CD226: variants seen among roughly 807,000 people sequenced by gnomAD.
CD226 encodes CD226 antigen.
In CD226, 24 loss-of-function variants were observed where a neutral mutation model predicts 34.9. That is an observed-to-expected ratio of 0.69 (90% CI 0.50 to 0.97). The LOEUF (loss-of-function observed/expected upper bound fraction) is 0.97, where lower values mean the gene tolerates loss of function less well. Ranked by LOEUF, CD226 falls within the 50% of genes least tolerant of loss-of-function variation. The probability of loss-of-function intolerance (pLI) is 0.00; values close to 1 mark genes in which losing one functional copy is unlikely to be tolerated. For synonymous variants in CD226, 148 were observed against 147.4 expected, an observed-to-expected ratio of 1.00 and a Z score of -0.03; for missense variants, 397 against 412.7, an observed-to-expected ratio of 0.96 and a Z score of 0.33.
At position 69,855,475 on chromosome 18, in the gene CD226, GAA is replaced by G. The variant is rs1982584779; in HGVS notation, c.*8837_*8838del. 1 of 152,112 alleles carries G rather than the reference GAA, an allele frequency of 6.6e-6. No homozygotes were observed. Among genetic ancestry groups the G allele is most frequent in the South Asian group, 2.1e-4 (1 of 4,826 alleles). The allele number at this position is 152,112 out of a possible 1,614,324, so 9.4% of individuals were successfully genotyped here. ...TTTCAAACTAAAATTCAAAGAGTGG[GAA>G]AAACCCAGAATATTCAAGACTATGG... On this transcript the variant is annotated 3_prime_UTR_variant, in exon 6 of 6. Transcript: ENST00000582621.
At chr18:69,910,524 G>C (rs1253173651) in intron 2 of CD226, among the ~76,000 whole-genome samples, 1 of 152,228 alleles carries the variant, frequency 6.6e-6, no homozygotes, top group Non-Finnish European at 1.5e-5. Context: ...AGCAAGGAGA[G>C]ATAGAAACTG....
Position 69,947,369 on chromosome 18 carries a change from A to T in CD226, c.38T>A (p.Val13Glu). Reference protein sequence around the residue: ...YPTLLLALLHVYRALCEEVLW... With the variant: ...YPTLLLALLHEYRALCEEVLW... ...ATAAAGATCATCTTTACCTCTGTAT[A>T]CATGAAGAAGAGCCAAAAGTAAAGT... The change falls in exon 1 of 6, where the codon GTA (valine) becomes GAA (glutamate). Residue 13 changes from valine (V) to glutamate (E), a missense_variant. Coordinates refer to ENST00000582621, the MANE Select transcript of CD226 (RefSeq NM_001303618.2). The T allele has an allele frequency of 6.3e-7, 1 of 1,579,968 alleles. No homozygotes were observed. The highest frequency in any genetic ancestry group is 8.6e-7 in the Non-Finnish European group (1 of 1,159,138).
chr18:69,894,885 C>G (rs1433681345), intron 3 of CD226, among the ~76,000 whole-genome samples: 1 of 151,764 alleles, frequency 6.6e-6, no homozygotes, highest in African/African-American at 2.4e-5. Flanking sequence ...CAAAGTGGAT[C>G]TAGGTTTTGC....
rs1295509551 is a variant in CD226, at chr18:69,933,601, T to G, written c.382+13133A>C. On this transcript the variant is annotated intron_variant, in intron 2 of 5. Transcript: ENST00000582621. Reference sequence around the variant, plus strand: ...GTTTTACATGGCGTATAGGCATACATTCTTTCTTTTCCTCACAGCAAACAA... The same window carrying G: ...GTTTTACATGGCGTATAGGCATACAGTCTTTCTTTTCCTCACAGCAAACAA... Among the ~76,000 whole-genome samples, 3 of 152,262 alleles carry G rather than the reference T, an allele frequency of 2.0e-5. No homozygotes were observed. The East Asian group carries it at 5.8e-4, about 29-fold the overall frequency.
chr18:69,931,932 A>ACCTGCCTGCATC (rs1469066342), intron 2 of CD226, among the ~76,000 whole-genome samples: 64 of 152,340 alleles, frequency 4.2e-4, no homozygotes, highest in African/African-American at 1.5e-3. Context: ...TCTGCAGGCT[A>ACCTGCCTGCATC]GAAACCCAAA....
chr18:69,938,185 A>G (rs1272337353), intron 2 of CD226, among the ~76,000 whole-genome samples: 1 of 152,186 alleles, frequency 6.6e-6, no homozygotes, highest in Admixed American at 6.5e-5. Flanking sequence ...CAGCCAACAC[A>G]AAGTACCTGC....
chr18:69,902,756 G>C (rs894878343), intron 2 of CD226, among the ~76,000 whole-genome samples: 2 of 151,776 alleles, frequency 1.3e-5, no homozygotes, highest in Non-Finnish European at 2.9e-5. Context: ...TTGTTCTTAC[G>C]ATGCTTCAAA....
In CD226 at chr18:69,903,948, G is replaced by A. The variant is rs114669127; in HGVS notation, c.383-7903C>T. ...ACATCTTGGGTACAGTCTGGGCCTC[G>A]CCAGCACCCATCAGAAGCAGCAAGT... On this transcript the variant is annotated intron_variant, in intron 2 of 5. Transcript: ENST00000582621. 6.0e-4 allele frequency among the ~76,000 whole-genome samples: 91 copies of A among 152,198 alleles called. 1 individual carries two copies. The highest frequency in any genetic ancestry group is 1.8e-3 in the African/African-American group (73 of 41,514).
intron 3 of CD226, among the ~76,000 whole-genome samples, chr18:69,892,941 CT>C (rs1216268873): frequency 2.0e-5 from 3 of 152,182 alleles, no homozygotes; most frequent in African/African-American, 2.4e-5. Context: ...TAAATTAAAT[CT>C]GTCCCACATC....
At chr18:69,960,094 G>T (rs573455020), upstream of CD226, among the ~76,000 whole-genome samples, 211 of 152,106 alleles carry the variant, frequency 1.4e-3, no homozygotes, top group African/African-American at 4.9e-3. Flanking sequence ...ACAAAAATTA[G>T]CCAGTTGTGG....
chr18:69,940,334 G>A (rs889110286), intron 2 of CD226, among the ~76,000 whole-genome samples: 6 of 152,192 alleles, frequency 3.9e-5, no homozygotes, highest in African/African-American at 1.4e-4. Context: ...GCAGAGAGTG[G>A]AGGGTTGCTG....
At chr18:69,961,715 G>C (rs1233544992), upstream of CD226, 1 of 152,124 alleles carries the variant, frequency 6.6e-6, no homozygotes, top group African/African-American at 2.4e-5. Context: ...AAGGAAATAA[G>C]TACTTACACA....
At chr18:69,924,085 C>T (rs1336218036) in intron 2 of CD226, among the ~76,000 whole-genome samples, 4 of 151,970 alleles carry the variant, frequency 2.6e-5, no homozygotes, top group African/African-American at 9.7e-5. Flanking sequence ...GAAACCTCAA[C>T]ACTTTACAAG....
At chr18:69,897,399 T>C (rs924822581) in intron 2 of CD226, among the ~76,000 whole-genome samples, 1 of 152,220 alleles carries the variant, frequency 6.6e-6, no homozygotes, top group Non-Finnish European at 1.5e-5. Flanking sequence ...ATCTATTTAT[T>C]AGTGATGAAC....
At chr18:69,869,274 C>T (rs1983353013) in intron 4 of CD226, among the ~76,000 whole-genome samples, 1 of 152,192 alleles carries the variant, frequency 6.6e-6, no homozygotes, top group Non-Finnish European at 1.5e-5. Context: ...CAATGATAGA[C>T]TGGATAAAGA....
intron 2 of CD226, among the ~76,000 whole-genome samples, chr18:69,900,183 G>T (rs1985519910): frequency 6.6e-6 from 1 of 152,194 alleles, no homozygotes; most frequent in African/African-American, 2.4e-5. Context: ...TGCAGGAATT[G>T]AAAACCAAAT....
intron 1 of CD226, among the ~76,000 whole-genome samples, chr18:69,955,031 C>G (rs2145386638): frequency 6.6e-6 from 1 of 151,388 alleles, no homozygotes; most frequent in Admixed American, 6.6e-5. Flanking sequence ...CTGGATTTCT[C>G]TACTATTAAA....
At chr18:69,875,337 C>T (rs1983798926) in intron 3 of CD226, among the ~76,000 whole-genome samples, 1 of 152,140 alleles carries the variant, frequency 6.6e-6, no homozygotes, top group Non-Finnish European at 1.5e-5. Context: ...GGGGTTTCAC[C>T]CTGTTGGCCA....
In CD226 at chr18:69,872,054, A is replaced by AGG. The variant is rs1450244146; in HGVS notation, c.830+1088_830+1089dup. Among the ~76,000 whole-genome samples the AGG allele has an allele frequency of 1.3e-3, 71 of 55,124 alleles. No homozygotes were observed. In the East Asian group the frequency reaches 0.028, roughly 22 times the overall value. 36.2% of individuals were successfully genotyped at this position (55,124 alleles called of 152,430 possible). A position where few individuals can be genotyped will look rare whatever the true frequency, so the allele number is the denominator to read the frequency against. On this transcript the variant is annotated intron_variant, in intron 4 of 5. Coordinates refer to ENST00000582621, the MANE Select transcript of CD226 (RefSeq NM_001303618.2). ...AGAGACACTGGAAATCCTATTAACA[A>AGG]GGGGTGTGTGTGTGTGTGTGTGTGT... is the stretch of plus-strand genomic sequence containing the variant.
Sources: gnomAD v4.1 joint callset for allele counts (sites outside exome capture counted in the v4.1 genomes callset) on GRCh38, gnomAD v4.1.1 for gene constraint, MANE v1.5 for transcripts, NCBI Gene and HGNC (gene_info 2026-07-23, HGNC 2026-07-21) for gene names.